Variants in GSTP1 observed in about 807,000 individuals in gnomAD.
GSTP1 encodes the protein glutathione S-transferase pi 1, also known as glutathione S-transferase P.
GSTP1 carries 28 observed loss-of-function variants against 29.4 expected under a neutral mutation model. The ratio of observed to expected loss-of-function variants is 0.95; its 90% CI spans 0.71 to 1.30. The LOEUF (loss-of-function observed/expected upper bound fraction) is 1.30. Among genes scored for constraint, GSTP1 ranks in the 50% most tolerant of loss-of-function variants. The pLI, the probability that GSTP1 is intolerant of heterozygous loss-of-function variation, is 0.00. For synonymous variants in GSTP1, 122 were observed against 117.0 expected (o/e 1.04, Z -0.28); for missense variants, 267 against 266.1 (o/e 1.00, Z -0.02).
At chr11:67,584,645 A>C in intron 3 of GSTP1, 40 bp from the exon 4 acceptor site, 1 of 1,580,294 alleles carries the variant, frequency 6.3e-7, no homozygotes. Flanking sequence ...GGGGACGCCC[A>C]AGCTCAGTGC....
chr11:67,585,049 C>A, intron 4 of GSTP1, 89 bp from the exon 5 acceptor site: 1 of 805,592 alleles, frequency 1.2e-6, no homozygotes. Context: ...CTGGGGCTCA[C>A]AGACAGCCCC....
At chr11:67,585,446 AAG>A (rs1867451954) in intron 5 of GSTP1, among the ~76,000 whole-genome samples, 1 of 152,126 alleles carries the variant, frequency 6.6e-6, no homozygotes, top group Non-Finnish European at 1.5e-5. Context: ...TCAACCAGCC[AAG>A]TAACGGGTCA....
rs78507509 is a variant in GSTP1, at chr11:67,586,137, C to G, written c.370C>G (p.Pro124Ala). The G allele has an allele frequency of 5.0e-6, 8 of 1,613,792 alleles. No homozygotes were observed. In the East Asian group the frequency reaches 1.8e-4, roughly 36 times the overall value. The change falls in exon 6 of 7, where the codon CCC becomes GCC. Residue 124 changes from proline (P) to alanine (A), a missense_variant. Coordinates refer to ENST00000398606, the MANE Select transcript of GSTP1 (RefSeq NM_000852.4). ...CAAGGATGACTATGTGAAGGCACTG[C>G]CCGGGCAACTGAAGCCTTTTGAGAC... Reference protein sequence around the residue: ...AGKDDYVKALPGQLKPFETLL... With the variant: ...AGKDDYVKALAGQLKPFETLL...
At chr11:67,584,205 G>A (rs780763636) in intron 2 of GSTP1, 36 bp downstream of exon 2, 3 of 1,556,510 alleles carry the variant, frequency 1.9e-6, no homozygotes, top group Non-Finnish European at 2.7e-6. Flanking sequence ...GGGAGGCAGG[G>A]GCTGGGGCTG....
In GSTP1 at chr11:67,583,814, T is replaced by C. The variant is rs1867417951; in HGVS notation, c.-30T>C. 2 of 737,126 alleles carry C rather than the reference T, an allele frequency of 2.7e-6. No homozygotes were observed. Among genetic ancestry groups the C allele is most frequent in the South Asian group, 2.9e-5 (2 of 69,452 alleles). The allele number at this position is 737,126 out of a possible 1,614,324, so 45.7% of individuals were successfully genotyped here. A position where few individuals can be genotyped will look rare whatever the true frequency, so the allele number is the denominator to read the frequency against. On this transcript the variant is annotated 5_prime_UTR_variant, in exon 1 of 7. Coordinates refer to ENST00000398606, the MANE Select transcript of GSTP1 (RefSeq NM_000852.4). ...GGCTCGGAGGCCGCGAGGCCTTCGC[T>C]GGAGTTTCGCCGCCGCAGTCTTCGC...
In GSTP1 at chr11:67,586,503, C is replaced by T. The variant is rs45549733; in HGVS notation, c.559C>T (p.Arg187Trp). The change falls in exon 7 of 7, where the codon CGG becomes TGG. Residue 187 changes from arginine (R) to tryptophan (W), a missense_variant. By Grantham distance (101) the Arg-to-Trp change is moderately radical. Coordinates refer to ENST00000398606, the MANE Select transcript of GSTP1 (RefSeq NM_000852.4). ...AGCATATGTGGGGCGCCTCAGTGCCCGGCCCAAGCTCAAGGCCTTCCTGGC... is the reference window on the plus strand; with the variant it reads ...AGCATATGTGGGGCGCCTCAGTGCCTGGCCCAAGCTCAAGGCCTTCCTGGC... ...LSAYVGRLSA[R>W]PKLKAFLASP... is the part of the protein sequence containing the mutation. 26 of 1,614,072 alleles carry T rather than the reference C, an allele frequency of 1.6e-5. No homozygotes were observed. The East Asian group carries it at 2.7e-4, about 17-fold the overall frequency.
Position 67,586,371 on chromosome 11 carries a change from G to A in GSTP1, c.445-18G>A, listed in dbSNP as rs45483800. On this transcript the variant is annotated intron_variant, in intron 6 of 6. Coordinates refer to ENST00000398606, the MANE Select transcript of GSTP1 (RefSeq NM_000852.4). Reference sequence around the variant, plus strand: ...GCCTGCTCCCGCTGGCTGAGTCCCTGGCCCCCCTGCCCTGCAGATCTCCTT... The same window carrying A: ...GCCTGCTCCCGCTGGCTGAGTCCCTAGCCCCCCTGCCCTGCAGATCTCCTT... The A allele has an allele frequency of 2.0e-3, 3,199 of 1,603,734 alleles. 61 individuals are homozygous for A. In the African/African-American group the frequency reaches 0.037, roughly 18 times the overall value.
At chr11:67,584,332 G>T (rs1329679858) in intron 2 of GSTP1, 132 bp from the exon 3 acceptor site, 1 of 715,398 alleles carries the variant, frequency 1.4e-6, no homozygotes, top group African/African-American at 1.8e-5. Context: ...CCTGCTCCCC[G>T]CCCCAGTGTT....
chr11:67,585,779 A>C (rs575491440), intron 5 of GSTP1, among the ~76,000 whole-genome samples: 2 of 152,082 alleles, frequency 1.3e-5, no homozygotes, highest in South Asian at 4.2e-4. Flanking sequence ...CCTTGAACCC[A>C]CTGGTTTGGA....
At position 67,584,124 on chromosome 11, in the gene GSTP1, T is replaced by C; in HGVS notation, c.2-10T>C. 6.2e-7 allele frequency: 1 copy of C among 1,611,300 alleles called. No individual in the cohort carries two copies. The highest frequency in any genetic ancestry group is 1.1e-5 in the South Asian group (1 of 91,010). On this transcript the variant is annotated splice_polypyrimidine_tract_variant and intron_variant, in intron 1 of 6. Transcript: ENST00000398606. ...CCGGGCTCCAGCAAACTTTTCTTTG[T>C]TCGCTGCAGTGCCGCCCTACACCGT...
At chr11:67,585,974 TG>T in intron 5 of GSTP1, 129 bp from the exon 6 acceptor site, 1 of 656,386 alleles carries the variant, frequency 1.5e-6, no homozygotes, top group South Asian at 1.8e-5. Flanking sequence ...GGACAGGATT[TG>T]GTACTAGCCT....
chr11:67,584,831 C>A, intron 4 of GSTP1, 59 bp downstream of exon 4: 1 of 1,284,510 alleles, frequency 7.8e-7, no homozygotes, highest in Non-Finnish European at 1.1e-6. Flanking sequence ...CCCCGGAGCC[C>A]TTTTGTTTAA....
chr11:67,585,078 G>A (rs1425827082), intron 4 of GSTP1, 60 bp from the exon 5 acceptor site: 1 of 1,108,876 alleles, frequency 9.0e-7, no homozygotes, highest in East Asian at 2.4e-5. Flanking sequence ...CCCATCCCCA[G>A]TGACTGTGTG....
chr11:67,584,263 C>T lies in GSTP1; in HGVS notation c.37+94C>T, dbSNP rs554055790. On this transcript the variant is annotated intron_variant, in intron 2 of 6. Transcript: ENST00000398606. ...CCGGAGAGATCCGAACCCCCTTATC[C>T]CTCCGTCGTGTGGCTTTTACCCCGG... is the stretch of plus-strand genomic sequence containing the variant. 56 of 1,019,128 alleles carry T rather than the reference C, an allele frequency of 5.5e-5. No individual in the cohort carries two copies. In the East Asian group the frequency reaches 1.4e-3, roughly 25 times the overall value. The allele number at this position is 1,019,128 out of a possible 1,614,324, so 63.1% of individuals were successfully genotyped here. A position where few individuals can be genotyped will look rare whatever the true frequency, so the allele number is the denominator to read the frequency against.
At position 67,584,072 on chromosome 11, in the gene GSTP1, G is replaced by A. The variant is rs537594240; in HGVS notation, c.2-62G>A. ...CGGGGGCGGGGAGGGGGGGCAGACT[G>A]CGCTCACCGCGCCTTGGCATCCTCC... is the stretch of plus-strand genomic sequence containing the variant. On this transcript the variant is annotated intron_variant, in intron 1 of 6. Transcript: ENST00000398606. 67 of 1,407,388 alleles carry A rather than the reference G, an allele frequency of 4.8e-5. No homozygotes were observed. In the African/African-American group the frequency reaches 8.2e-4, roughly 17 times the overall value. The allele number at this position is 1,407,388 out of a possible 1,614,324, so 87.2% of individuals were successfully genotyped here. A position where few individuals can be genotyped will look rare whatever the true frequency, so the allele number is the denominator to read the frequency against.
chr11:67,585,068 C>A, intron 4 of GSTP1, 70 bp from the exon 5 acceptor site: 1 of 992,948 alleles, frequency 1.0e-6, no homozygotes, highest in Non-Finnish European at 1.6e-6. Flanking sequence ...CCCTGGTTGG[C>A]CCATCCCCAG....
intron 4 of GSTP1, 52 bp downstream of exon 4, chr11:67,584,824 C>T (rs765314940): frequency 5.3e-6 from 7 of 1,320,220 alleles, no homozygotes; most frequent in African/African-American, 2.9e-5. Flanking sequence ...CCTCTGCCCC[C>T]GGAGCCCTTT....
chr11:67,584,998 C>CT, intron 4 of GSTP1, 140 bp from the exon 5 acceptor site: 4 of 648,454 alleles, frequency 6.2e-6, no homozygotes, highest in Non-Finnish European at 8.2e-6. Flanking sequence ...GTGTGGCAGT[C>CT]TCTCATCCTT....
chr11:67,584,658 C>T, intron 3 of GSTP1, 27 bp from the exon 4 acceptor site: 3 of 1,591,262 alleles, frequency 1.9e-6, no homozygotes, highest in Non-Finnish European at 2.6e-6. Flanking sequence ...CTCAGTGCCC[C>T]TCCCTGAGCC....
Sources: gnomAD v4.1 joint callset for allele counts (sites outside exome capture counted in the v4.1 genomes callset) on GRCh38, gnomAD v4.1.1 for gene constraint, MANE v1.5 for transcripts, NCBI Gene and HGNC (gene_info 2026-07-23, HGNC 2026-07-21) for gene names.